Variants in DEFB134 observed in about 807,000 individuals in gnomAD.
DEFB134 encodes the protein defensin beta 134.
Under a neutral mutation model 7.4 loss-of-function variants are expected in DEFB134, and 7 were observed. The ratio of observed to expected loss-of-function variants is 0.95; its 90% CI spans 0.54 to 1.79. The LOEUF (loss-of-function observed/expected upper bound fraction) is 1.79, where lower values mean the gene tolerates loss of function less well. DEFB134 is among the 40% of genes most tolerant of loss of function. DEFB134 has a pLI of 0.00. For missense variants in DEFB134, 105 were observed against 74.8 expected (o/e 1.40, Z -1.49); for synonymous variants, 33 against 25.0 (o/e 1.32, Z -0.96).
exon 1 of DEFB134, chr8:11,996,229 A>T: frequency 6.2e-7 from 1 of 1,613,698 alleles, no homozygotes; most frequent in East Asian, 2.2e-5. Flanking sequence ...AAGAAAGACA[A>T]ACACAACAAG....
At chr8:12,000,474 GCTAT>G (rs1379692687), upstream of DEFB134, among the ~76,000 whole-genome samples, 1 of 152,096 alleles carries the variant, frequency 6.6e-6, no homozygotes, top group Non-Finnish European at 1.5e-5. Context: ...TATTCATGGG[GCTAT>G]GTTCCAAGAC....
chr8:11,998,200 G>A (rs1167734721), upstream of DEFB134, among the ~76,000 whole-genome samples: 1 of 152,114 alleles, frequency 6.6e-6, no homozygotes, highest in African/African-American at 2.4e-5. Flanking sequence ...TGTAACGCTA[G>A]CACTTTGGAA....
chr8:11,994,070 G>C, exon 2 of DEFB134: 3 of 1,613,814 alleles, frequency 1.9e-6, no homozygotes, highest in Non-Finnish European at 2.5e-6. Flanking sequence ...CAAGTCTGCA[G>C]ATGCCATTTT....
exon 2 of DEFB134, chr8:11,993,686 A>G (rs890033263): frequency 4.4e-5 from 12 of 273,770 alleles, no homozygotes; most frequent in Non-Finnish European, 8.1e-5. Context: ...AAATAATAAG[A>G]ATATCCTCTA....
intron 1 of DEFB134, among the ~76,000 whole-genome samples, chr8:11,994,432 GT>G (rs1800064899): frequency 6.6e-6 from 1 of 152,186 alleles, no homozygotes; most frequent in Admixed American, 6.5e-5. Flanking sequence ...AGGATTGATG[GT>G]CTTATTAGTG....
At chr8:11,996,049 G>T in intron 1 of DEFB134, 145 bp downstream of exon 2, 1 of 920,780 alleles carries the variant, frequency 1.1e-6, no homozygotes, top group Middle Eastern at 2.3e-4. Context: ...TTCAAGCCCA[G>T]GTCTTGCTGA....
chr8:11,997,898 C>G (rs1800168103), upstream of DEFB134, among the ~76,000 whole-genome samples: 1 of 152,150 alleles, frequency 6.6e-6, no homozygotes, highest in African/African-American at 2.4e-5. Context: ...AGCATTCCAC[C>G]ACACACCAAC....
chr8:12,000,532 T>C (rs1302751887), upstream of DEFB134, among the ~76,000 whole-genome samples: 2 of 152,242 alleles, frequency 1.3e-5, no homozygotes, highest in African/African-American at 2.4e-5. Flanking sequence ...GAACTCTATA[T>C]ATACAGTGCT....
At chr8:12,000,292 T>C (rs1436785105), upstream of DEFB134, among the ~76,000 whole-genome samples, 2 of 152,212 alleles carry the variant, frequency 1.3e-5, no homozygotes, top group African/African-American at 4.8e-5. Flanking sequence ...TGTCTCTGAT[T>C]AGACTGTGAA....
At chr8:11,995,870 C>A (rs143480235) in intron 1 of DEFB134, among the ~76,000 whole-genome samples, 214 of 151,308 alleles carry the variant, frequency 1.4e-3, no homozygotes, top group African/African-American at 4.9e-3. Flanking sequence ...CATACATGAT[C>A]TGATTTAATC....
chr8:11,998,495 G>A (rs1230012628), upstream of DEFB134, among the ~76,000 whole-genome samples: 3 of 151,954 alleles, frequency 2.0e-5, no homozygotes. Context: ...CATTGAAACT[G>A]ATGAAAACAA....
exon 2 of DEFB134, chr8:11,993,206 G>A (rs1800023878): frequency 6.6e-6 from 1 of 152,200 alleles, no homozygotes; most frequent in Non-Finnish European, 1.5e-5. Context: ...TACACATATA[G>A]CAAAGCAAGA....
intron 1 of DEFB134, among the ~76,000 whole-genome samples, chr8:11,995,020 G>C (rs1340591962): frequency 1.3e-5 from 2 of 152,162 alleles, no homozygotes; most frequent in African/African-American, 4.8e-5. Context: ...CCCTATCTGA[G>C]TCATAATGCC....
chr8:11,994,464 G>A (rs930163667), intron 1 of DEFB134, among the ~76,000 whole-genome samples: 1 of 152,174 alleles, frequency 6.6e-6, no homozygotes. Context: ...CAAAAAGATG[G>A]CCATCTACAA....
At chr8:11,994,989 G>C (rs935061597) in intron 1 of DEFB134, among the ~76,000 whole-genome samples, 2 of 152,206 alleles carry the variant, frequency 1.3e-5, no homozygotes, top group African/African-American at 4.8e-5. Context: ...GGAATCTGTA[G>C]AAATTTTGAG....
At chr8:11,997,645 G>A (rs1394287927), upstream of DEFB134, among the ~76,000 whole-genome samples, 1 of 152,162 alleles carries the variant, frequency 6.6e-6, no homozygotes, top group Non-Finnish European at 1.5e-5. Flanking sequence ...AAATGATAAA[G>A]TGTTCAATTC....
rs930255580 is a variant in DEFB134 at position 11,994,207 on chromosome 8, G to A, written c.59-85C>T. 28 of 1,437,080 alleles carry A rather than the reference G, an allele frequency of 1.9e-5. No homozygotes were observed. The African/African-American group carries it at 2.4e-4, about 12-fold the overall frequency. 89.0% of individuals were successfully genotyped at this position (1,437,080 alleles called of 1,614,324 possible). A position where few individuals can be genotyped will look rare whatever the true frequency, so the allele number is the denominator to read the frequency against. On this transcript the variant is annotated intron_variant, in intron 1 of 1. Coordinates refer to ENST00000526438, the Ensembl canonical transcript of DEFB134. ...CTAGTCCCTCAATTTTTATCCAACC[G>A]GATACCAAGGAGATTTGGTTATGAT... is the stretch of plus-strand genomic sequence containing the variant.
At chr8:11,996,351 C>T (rs1800123659), upstream of DEFB134, 1 of 1,366,326 alleles carries the variant, frequency 7.3e-7, no homozygotes, top group Non-Finnish European at 1.0e-6. Context: ...ACAAACCTCT[C>T]AGGGCTGGGG....
At chr8:11,994,874 A>T (rs903299613) in intron 1 of DEFB134, among the ~76,000 whole-genome samples, 2 of 152,212 alleles carry the variant, frequency 1.3e-5, no homozygotes, top group Non-Finnish European at 2.9e-5. Flanking sequence ...AGAGAGGAAA[A>T]AACATGACAA....
Sources: gnomAD v4.1 joint callset for allele counts (sites outside exome capture counted in the v4.1 genomes callset) on GRCh38, gnomAD v4.1.1 for gene constraint, MANE v1.5 for transcripts, NCBI Gene and HGNC (gene_info 2026-07-23, HGNC 2026-07-21) for gene names.